The following PDE3A variants were observed in gnomAD, a reference collection of about 807,000 sequenced individuals.
The protein encoded by PDE3A is phosphodiesterase 3A.
A neutral mutation model predicts 98.3 loss-of-function variants in PDE3A; 43 were observed. The observed-to-expected ratio is 0.44, with a 90% CI of 0.34 to 0.56. The LOEUF is 0.56. Among genes scored for constraint, PDE3A ranks in the 20% least tolerant of loss-of-function variants. The pLI, the probability that PDE3A is intolerant of heterozygous loss-of-function variation, is 0.01. For missense variants in PDE3A, 1,427 were observed against 1,440.7 expected (o/e 0.99, Z 0.15); for synonymous variants, 663 against 567.9 (o/e 1.17, Z -2.38).
intron 1 of PDE3A, among the ~76,000 whole-genome samples, chr12:20,454,049 C>A (rs1945113150): frequency 6.6e-6 from 1 of 152,176 alleles, no homozygotes; most frequent in Non-Finnish European, 1.5e-5. Flanking sequence ...CAATAGACAT[C>A]AGCTATAGAC....
In PDE3A at chr12:20,651,715, T is replaced by G. The variant is rs375105339; in HGVS notation, c.2925+1115T>G. ...CATTGGACATGTTTAAACAAGAGAT[T>G]AGAATGAAATTTTATGGTTACTATA... On this transcript the variant is annotated intron_variant, in intron 14 of 15. Coordinates refer to ENST00000359062, the MANE Select transcript of PDE3A (RefSeq NM_000921.5). Among the ~76,000 whole-genome samples, 3 of 152,080 alleles carry G rather than the reference T, an allele frequency of 2.0e-5. No individual in the cohort carries two copies. The South Asian group carries it at 6.2e-4, about 32-fold the overall frequency.
chr12:20,386,007 A>AATATATATAAAATATATATATAT (rs1555140882), intron 1 of PDE3A, among the ~76,000 whole-genome samples: 7 of 107,312 alleles, frequency 6.5e-5, no homozygotes, highest in Non-Finnish European at 7.0e-5. Flanking sequence ...TATATATATA[A>AATATATATAAAATATATATATAT]ATATATATAA....
intron 1 of PDE3A, among the ~76,000 whole-genome samples, chr12:20,502,570 G>T (rs1437258494): frequency 6.6e-6 from 1 of 152,040 alleles, no homozygotes; most frequent in Admixed American, 6.6e-5. Context: ...TCCCTACTTG[G>T]TTCACCTAGA....
At chr12:20,497,409 G>T (rs949269538) in intron 1 of PDE3A, among the ~76,000 whole-genome samples, 1 of 151,332 alleles carries the variant, frequency 6.6e-6, no homozygotes, top group Admixed American at 6.6e-5. Context: ...ACTGAATGGA[G>T]GGCTGTATTC....
chr12:20,531,998 T>C (rs1370964992), intron 1 of PDE3A, among the ~76,000 whole-genome samples: 1 of 152,132 alleles, frequency 6.6e-6, no homozygotes, highest in Non-Finnish European at 1.5e-5. Context: ...TGGATAGATC[T>C]GTACCTTGAA....
At chr12:20,669,310 C>A (rs959436058) in intron 15 of PDE3A, among the ~76,000 whole-genome samples, 21 of 152,170 alleles carry the variant, frequency 1.4e-4, no homozygotes, top group Middle Eastern at 6.8e-3. Context: ...CCCAATCTAG[C>A]AAGGCAGGCC....
At chr12:20,645,984 A>G (rs904696120) in intron 10 of PDE3A, among the ~76,000 whole-genome samples, 8 of 152,226 alleles carry the variant, frequency 5.3e-5, no homozygotes, top group African/African-American at 1.9e-4. Context: ...AAATCTACAT[A>G]TAAAAGATAT....
chr12:20,538,770 A>G (rs1211121864), intron 1 of PDE3A, among the ~76,000 whole-genome samples: 1 of 152,028 alleles, frequency 6.6e-6, no homozygotes, highest in Non-Finnish European at 1.5e-5. Flanking sequence ...TCAGCCTCCC[A>G]AATAGCTGGG....
chr12:20,586,825 A>G (rs990049334), intron 2 of PDE3A, among the ~76,000 whole-genome samples: 6 of 152,226 alleles, frequency 3.9e-5, no homozygotes, highest in African/African-American at 4.8e-5. Flanking sequence ...TTAATTTGAT[A>G]CATAATATTG....
In PDE3A at chr12:20,684,342, T is replaced by C. The variant is rs1009103448; in HGVS notation, c.*4071T>C. The C allele has an allele frequency of 6.6e-6, 1 of 152,166 alleles. No individual in the cohort carries two copies. Among genetic ancestry groups the C allele is most frequent in the African/African-American group, 2.4e-5 (1 of 41,442 alleles). The allele number at this position is 152,166 out of a possible 1,614,324, so 9.4% of individuals were successfully genotyped here. A position where few individuals can be genotyped will look rare whatever the true frequency, so the allele number is the denominator to read the frequency against. On this transcript the variant is annotated 3_prime_UTR_variant, in exon 16 of 16. Coordinates refer to ENST00000359062, the MANE Select transcript of PDE3A (RefSeq NM_000921.5). ...CTAGTTTAATGCCTTTCCTGACTTATATGCCATTTGTAAATAAACTTCCTT... is the reference window on the plus strand; with the variant it reads ...CTAGTTTAATGCCTTTCCTGACTTACATGCCATTTGTAAATAAACTTCCTT...
Position 20,369,380 on chromosome 12 carries a change from T to C in PDE3A, c.96T>C (p.Arg32=), listed in dbSNP as rs949007989. Residue 32 remains arginine (R), a synonymous_variant, in exon 1 of 16, where the codon CGT becomes CGC. Coordinates refer to ENST00000359062, the MANE Select transcript of PDE3A (RefSeq NM_000921.5). ...CGGCGGGCCGGGACTGCCACCATCGTGCGGACCCCGCATCGCCGCGGGACT... is the reference window on the plus strand; with the variant it reads ...CGGCGGGCCGGGACTGCCACCATCGCGCGGACCCCGCATCGCCGCGGGACT... ...APTAGRDCHH[R]ADPASPRDSG... 7 of 1,550,166 alleles carry C rather than the reference T, an allele frequency of 4.5e-6. No homozygotes were observed. The highest frequency in any genetic ancestry group is 6.1e-6 in the Non-Finnish European group (7 of 1,147,462).
Position 20,416,200 on chromosome 12 carries a change from T to A in PDE3A, c.960+45956T>A, listed in dbSNP as rs369175033. Among the ~76,000 whole-genome samples, 15 of 152,220 alleles carry A rather than the reference T, an allele frequency of 9.9e-5. No individual in the cohort carries two copies. In the East Asian group the frequency reaches 1.5e-3, roughly 16 times the overall value. On this transcript the variant is annotated intron_variant, in intron 1 of 15. Coordinates refer to ENST00000359062, the MANE Select transcript of PDE3A (RefSeq NM_000921.5). ...TATATGGATGTATATGAAATTGGAG[T>A]GGTCATGGAAAGCATATGTGACTTT... is the stretch of plus-strand genomic sequence containing the variant.
intron 2 of PDE3A, among the ~76,000 whole-genome samples, chr12:20,594,222 A>G (rs1242112637): frequency 2.6e-5 from 4 of 152,136 alleles, no homozygotes; most frequent in African/African-American, 9.6e-5. Flanking sequence ...AATGTTTTTA[A>G]GTTGCGAGGA....
chr12:20,495,528 A>AT (rs1191542834), intron 1 of PDE3A, among the ~76,000 whole-genome samples: 5 of 152,000 alleles, frequency 3.3e-5, no homozygotes, highest in Non-Finnish European at 7.4e-5. Flanking sequence ...TTTCACAGGC[A>AT]TTTTTTTCTG....
chr12:20,410,127 C>T (rs73235878), intron 1 of PDE3A, among the ~76,000 whole-genome samples: 4,730 of 152,204 alleles, frequency 0.031, 237 homozygotes, highest in African/African-American at 0.11. Flanking sequence ...CATTGTCTGA[C>T]CTCATTTTCA....
intron 1 of PDE3A, among the ~76,000 whole-genome samples, chr12:20,518,954 T>C (rs988256026): frequency 2.0e-5 from 3 of 152,194 alleles, no homozygotes. Context: ...TGATTTCATT[T>C]CATTTAATTG....
intron 9 of PDE3A, among the ~76,000 whole-genome samples, chr12:20,638,335 C>T (rs1273703114): frequency 6.6e-6 from 1 of 152,136 alleles, no homozygotes; most frequent in Non-Finnish European, 1.5e-5. Context: ...GGTACACTAA[C>T]ATTATTGATG....
At chr12:20,469,215 T>G (rs1315122596) in intron 1 of PDE3A, among the ~76,000 whole-genome samples, 1 of 152,218 alleles carries the variant, frequency 6.6e-6, no homozygotes, top group Non-Finnish European at 1.5e-5. Context: ...AGCCATTCTT[T>G]AACACAGAAT....
At position 20,685,645 on chromosome 12, in the gene PDE3A, T is replaced by C. The variant is rs1945941105; in HGVS notation, c.*5374T>C. ...GTCTCTAAAAGGAATCCACATTTTC[T>C]TTCCAGATACAGCTAGTTTTTCTCC... On this transcript the variant is annotated 3_prime_UTR_variant, in exon 16 of 16. Transcript: ENST00000359062. Among the ~76,000 whole-genome samples the C allele has an allele frequency of 6.6e-6, 1 of 152,190 alleles. No homozygotes were observed. Among genetic ancestry groups the C allele is most frequent in the South Asian group, 2.1e-4 (1 of 4,832 alleles).
Sources: allele counts gnomAD v4.1 joint callset (sites outside exome capture counted in the v4.1 genomes callset), GRCh38; gene constraint gnomAD v4.1.1; transcripts MANE v1.5; gene names NCBI Gene and HGNC (gene_info 2026-07-23, HGNC 2026-07-21).